The following ARRDC1 variants were observed in gnomAD, a reference collection of about 807,000 sequenced individuals.
The protein encoded by ARRDC1 is arrestin domain containing 1.
Under a neutral mutation model 40.1 loss-of-function variants are expected in ARRDC1, and 37 were observed. That is an observed-to-expected ratio of 0.92 (90% CI 0.71 to 1.21). ARRDC1 has a LOEUF of 1.21. Among genes scored for constraint, ARRDC1 ranks in the 50% most tolerant of loss-of-function variants. ARRDC1 has a pLI of 0.00. For synonymous variants in ARRDC1, 310 were observed against 262.5 expected (o/e 1.18, Z -1.75); for missense variants, 641 against 581.9 (o/e 1.10, Z -1.04).
intron 1 of ARRDC1, among the ~76,000 whole-genome samples, chr9:137,606,099 C>T (rs550442464): frequency 6.6e-6 from 1 of 151,832 alleles, no homozygotes; most frequent in Non-Finnish European, 1.5e-5. Flanking sequence ...ACGCCCTGAG[C>T]GCGGGCGCAC....
At chr9:137,605,969 G>T in intron 1 of ARRDC1, 134 bp downstream of exon 1, 1 of 455,436 alleles carries the variant, frequency 2.2e-6, no homozygotes, top group East Asian at 4.1e-5. Flanking sequence ...CTGCTGGGAA[G>T]CGGGCTCGGC....
chr9:137,614,591 C>T lies in ARRDC1; in HGVS notation c.828C>T (p.Thr276=). ...TGAAGGCGCCGGAAGCTACTGTGAC[C>T]CTCCCGGTCTTCATTGGCAATATTG... is the stretch of plus-strand genomic sequence containing the variant. ...VSLKAPEATV[T]LPVFIGNIAV... Residue 276 remains threonine, a synonymous_variant, in exon 7 of 8, where the codon ACC becomes ACT. Coordinates refer to ENST00000371421, the MANE Select transcript of ARRDC1 (RefSeq NM_152285.4). The T allele has an allele frequency of 6.2e-7, 1 of 1,613,034 alleles. No homozygotes were observed.
At chr9:137,608,290 T>A (rs1309820120) in intron 1 of ARRDC1, among the ~76,000 whole-genome samples, 1 of 152,134 alleles carries the variant, frequency 6.6e-6, no homozygotes, top group East Asian at 1.9e-4. Flanking sequence ...CAGGAAACAT[T>A]TTTTAAACCT....
Position 137,612,403 on chromosome 9 carries a change from G to C in ARRDC1, c.119-493G>C, listed in dbSNP as rs1842545501. 4 of 172,720 alleles carry C rather than the reference G, an allele frequency of 2.3e-5. No homozygotes were observed. The South Asian group carries it at 5.1e-4, about 22-fold the overall frequency. The allele number at this position is 172,720 out of a possible 1,614,324, so 10.7% of individuals were successfully genotyped here. Reference sequence around the variant, plus strand: ...AACGGTGTGCTGACTGTGGAACACTGTGTCTGCCTAGGCGGGTCTGGCCAC... The same window carrying C: ...AACGGTGTGCTGACTGTGGAACACTCTGTCTGCCTAGGCGGGTCTGGCCAC... On this transcript the variant is annotated intron_variant, in intron 1 of 7. Transcript: ENST00000371421.
intron 1 of ARRDC1, among the ~76,000 whole-genome samples, chr9:137,609,674 G>A (rs1842479834): frequency 6.6e-6 from 1 of 152,186 alleles, no homozygotes; most frequent in Non-Finnish European, 1.5e-5. Context: ...AGGGGCACGC[G>A]CCACCACACC....
chr9:137,607,760 G>A (rs1842448492), intron 1 of ARRDC1, among the ~76,000 whole-genome samples: 1 of 152,126 alleles, frequency 6.6e-6, no homozygotes, highest in Non-Finnish European at 1.5e-5. Flanking sequence ...TGAGTCCTTT[G>A]GGATGAGGAT....
In ARRDC1 at chr9:137,615,127, CCT is replaced by C. The variant is rs768325901; in HGVS notation, c.1292_1293del (p.Pro431ArgfsTer77). 113 of 1,542,048 alleles carry C rather than the reference CCT, an allele frequency of 7.3e-5. No individual in the cohort carries two copies. Among genetic ancestry groups the C allele is most frequent in the East Asian group, 9.1e-5 (4 of 44,196 alleles). On this transcript the variant is annotated frameshift_variant, in exon 8 of 8. Transcript: ENST00000371421. LOFTEE classifies it high-confidence loss of function. ...SCGGVEPSLT[P>X]ES The stretch of plus-strand genomic sequence containing the variant: ...CGGCGGCGTGGAACCCAGCCTGACC[CCT>C]GAGAGCTGACCCCGTGCTGCCTTCT...
intron 1 of ARRDC1, among the ~76,000 whole-genome samples, chr9:137,608,527 C>G (rs1057091991): frequency 6.6e-6 from 1 of 152,214 alleles, no homozygotes; most frequent in East Asian, 1.9e-4. Context: ...GGAGCGGGGT[C>G]GTATGCCGCC....
rs779208297 is a variant in ARRDC1, at chr9:137,613,661, C to T, written c.327C>T (p.His109=). ...SFEGPFGKIV[H]QVRAAIHTPR... ...AGGGTCCTTTCGGGAAGATCGTGCA[C>T]CAGGTGAGGGCCGCCATCCACACGC... The change falls in exon 4 of 8, where the codon CAC becomes CAT. Residue 109 remains histidine (H), a synonymous_variant. Transcript: ENST00000371421. 10 of 1,614,034 alleles carry T rather than the reference C, an allele frequency of 6.2e-6. No individual in the cohort carries two copies. Among genetic ancestry groups the T allele is most frequent in the Non-Finnish European group, 8.5e-6 (10 of 1,180,044 alleles).
intron 1 of ARRDC1, chr9:137,612,612 C>T (rs1366682409): frequency 5.5e-6 from 2 of 365,466 alleles, no homozygotes; most frequent in Non-Finnish European, 5.0e-6. Flanking sequence ...TGGGGGGTAA[C>T]CCAGCCATCA....
At chr9:137,612,783 C>T (rs753530490) in intron 1 of ARRDC1, 113 bp from the exon 2 acceptor site, 256 of 763,916 alleles carry the variant, frequency 3.4e-4, no homozygotes, top group Non-Finnish European at 5.0e-4. Context: ...CTGGCCTTCC[C>T]AGGACCCTGC....
At chr9:137,609,058 G>A (rs2133329619) in intron 1 of ARRDC1, among the ~76,000 whole-genome samples, 1 of 152,284 alleles carries the variant, frequency 6.6e-6, no homozygotes, top group East Asian at 1.9e-4. Context: ...GCAGTGGCGT[G>A]TGAGGCTCCC....
rs1184072051 is a variant in ARRDC1 at position 137,613,341 on chromosome 9, G to A, written c.230-119G>A. 4 of 1,151,788 alleles carry A rather than the reference G, an allele frequency of 3.5e-6. No homozygotes were observed. In the African/African-American group the frequency reaches 4.6e-5, roughly 13 times the overall value. The allele number at this position is 1,151,788 out of a possible 1,614,324, so 71.3% of individuals were successfully genotyped here. ...CTGTGCTGCTGTGGCGCTGGTGACTGAGACAGGGAGACCCAGTGTGAGCTG... is the reference window on the plus strand; with the variant it reads ...CTGTGCTGCTGTGGCGCTGGTGACTAAGACAGGGAGACCCAGTGTGAGCTG... On this transcript the variant is annotated intron_variant, in intron 2 of 7. Transcript: ENST00000371421.
chr9:137,605,735 C>A lies in ARRDC1; in HGVS notation c.18C>A (p.Leu6=). The A allele has an allele frequency of 7.2e-7, 1 of 1,386,570 alleles. No homozygotes were observed. Among genetic ancestry groups the A allele is most frequent in the South Asian group, 1.5e-5 (1 of 66,210 alleles). The allele number at this position is 1,386,570 out of a possible 1,614,324, so 85.9% of individuals were successfully genotyped here. A position where few individuals can be genotyped will look rare whatever the true frequency, so the allele number is the denominator to read the frequency against. Residue 6 remains leucine, a synonymous_variant, in exon 1 of 8, where the codon CTC becomes CTA. Transcript: ENST00000371421. ...GCCGCGGCATGGGGCGAGTGCAGCTCTTCGAGATCAGCCTGAGCCACGGCC... is the reference window on the plus strand; with the variant it reads ...GCCGCGGCATGGGGCGAGTGCAGCTATTCGAGATCAGCCTGAGCCACGGCC... The part of the protein sequence containing the change: MGRVQ[L]FEISLSHGRV...
At chr9:137,609,447 G>A (rs1842475872) in intron 1 of ARRDC1, among the ~76,000 whole-genome samples, 1 of 151,890 alleles carries the variant, frequency 6.6e-6, no homozygotes, top group Non-Finnish European at 1.5e-5. Context: ...TTGGTCAGGC[G>A]GGCCTGGAAC....
Position 137,614,704 on chromosome 9 carries a change from A to G in ARRDC1, c.941A>G (p.Gln314Arg), listed in dbSNP as rs747593256. 6.2e-7 allele frequency: 1 copy of G among 1,610,404 alleles called. No homozygotes were observed. The highest frequency in any genetic ancestry group is 1.7e-5 in the Admixed American group (1 of 59,376). Reference protein sequence around the residue: ...PPLVVPSAPPQEEAEAEAAAG... With the variant: ...PPLVVPSAPPREEAEAEAAAG... Reference sequence around the variant, plus strand: ...CTGGTGGTGCCTTCCGCACCACCCCAGGAGGAGGCTGAGGCTGAGGCTGCG... The same window carrying G: ...CTGGTGGTGCCTTCCGCACCACCCCGGGAGGAGGCTGAGGCTGAGGCTGCG... Residue 314 changes from glutamine to arginine, a missense_variant, in exon 7 of 8, where the codon CAG becomes CGG. By Grantham distance (43) the Gln-to-Arg change is conservative. Transcript: ENST00000371421.
Position 137,613,497 on chromosome 9 carries a change from G to C in ARRDC1, c.267G>C (p.Gln89His), listed in dbSNP as rs770767346. The C allele has an allele frequency of 3.1e-6, 5 of 1,613,582 alleles. No individual in the cohort carries two copies. The highest frequency in any genetic ancestry group is 4.2e-6 in the Non-Finnish European group (5 of 1,179,942). ...LPAGEHSFPFQFLLPATAPTS... is the reference protein window; with the variant it reads ...LPAGEHSFPFHFLLPATAPTS... ...CTGGAGAGCACAGCTTCCCCTTCCA[G>C]TTCCTGCTTCCTGGTGAGAGCCCAG... is the stretch of plus-strand genomic sequence containing the variant. Residue 89 changes from glutamine to histidine, a missense_variant, in exon 3 of 8, where the codon CAG becomes CAC. Physicochemically the swap from Gln to His is conservative, Grantham distance 24 (BLOSUM62 0). Transcript: ENST00000371421.
At chr9:137,613,150 T>C in intron 2 of ARRDC1, 144 bp downstream of exon 2, 1 of 807,382 alleles carries the variant, frequency 1.2e-6, no homozygotes, top group Non-Finnish European at 2.1e-6. Context: ...TGGGCCCTGA[T>C]GGCTTTCTCA....
At position 137,614,429 on chromosome 9, in the gene ARRDC1, C is replaced by A. The variant is rs1022914218; in HGVS notation, c.749C>A (p.Ser250Ter). 3 of 1,613,146 alleles carry A rather than the reference C, an allele frequency of 1.9e-6. No individual in the cohort carries two copies. The African/African-American group carries it at 4.0e-5, about 22-fold the overall frequency. ...EQILVPALPQ[S>*]ALPGCSLIHI... is the part of the protein sequence containing the mutation. ...ATCCTGGTGCCTGCCTTGCCCCAGT[C>A]GGCCCTGCCGGGCTGCAGCCTCATC... Residue 250 changes from serine (S) to a stop codon, truncating the protein, a stop_gained, in exon 6 of 8, where the codon TCG (serine) becomes TAG (stop). Transcript: ENST00000371421. LOFTEE classifies it high-confidence loss of function.
Sources: gnomAD v4.1 joint callset for allele counts (sites outside exome capture counted in the v4.1 genomes callset) on GRCh38, gnomAD v4.1.1 for gene constraint, MANE v1.5 for transcripts, NCBI Gene and HGNC (gene_info 2026-07-23, HGNC 2026-07-21) for gene names.